Variants in SMCHD1 observed in about 807,000 individuals in gnomAD.
SMCHD1 encodes structural maintenance of chromosomes flexible hinge domain containing 1.
A neutral mutation model predicts 254.7 loss-of-function variants in SMCHD1; 78 were observed. The ratio of observed to expected loss-of-function variants is 0.31; its 90% CI spans 0.26 to 0.37. SMCHD1 has a LOEUF of 0.37. Ranked by LOEUF, SMCHD1 falls within the 10% of genes least tolerant of loss-of-function variation. The pLI, the probability that SMCHD1 is intolerant of heterozygous loss-of-function variation, is 1.00. For synonymous variants in SMCHD1, 766 were observed against 794.9 expected, an observed-to-expected ratio of 0.96 and a Z score of 0.61; for missense variants, 1,840 against 2,408.1, an observed-to-expected ratio of 0.76 and a Z score of 4.94.
chr18:2,758,912 A>G (rs55657738), intron 34 of SMCHD1, among the ~76,000 whole-genome samples: 7,345 of 152,106 alleles, frequency 0.048, 266 homozygotes, highest in Non-Finnish European at 0.078. Flanking sequence ...TCAGTTTTTA[A>G]AAATTTTGCC....
At chr18:2,736,428 C>G (rs2075250141) in intron 25 of SMCHD1, among the ~76,000 whole-genome samples, 2 of 152,104 alleles carry the variant, frequency 1.3e-5, no homozygotes, top group African/African-American at 2.4e-5. Flanking sequence ...TCAAACTAAA[C>G]AGCTGCACAG....
At chr18:2,675,374 T>G (rs1598296381) in intron 5 of SMCHD1, among the ~76,000 whole-genome samples, 1 of 151,626 alleles carries the variant, frequency 6.6e-6, no homozygotes, top group Non-Finnish European at 1.5e-5. Flanking sequence ...AAACGATTCT[T>G]CTGCCTCAGC....
intron 44 of SMCHD1, among the ~76,000 whole-genome samples, chr18:2,782,079 T>G (rs2076165640): frequency 6.6e-6 from 1 of 152,268 alleles, no homozygotes; most frequent in South Asian, 2.1e-4. Flanking sequence ...CATATTGATT[T>G]CCTTGCTTCC....
rs2143803811 is a variant in SMCHD1 at position 2,666,641 on chromosome 18, G to A, written c.263-229G>A. ...ATTTTAGATTCTCGTCTGATTTCCT[G>A]TGATAGTTTAACTTATTAAGAATTG... is the stretch of plus-strand genomic sequence containing the variant. On this transcript the variant is annotated intron_variant, in intron 2 of 47. Transcript: ENST00000320876. 2.0e-5 allele frequency among the ~76,000 whole-genome samples: 3 copies of A among 152,254 alleles called. 1 individual carries two copies. In the Middle Eastern group the frequency reaches 0.01, roughly 518 times the overall value.
intron 12 of SMCHD1, 65 bp downstream of exon 12, chr18:2,700,983 A>T (rs997186261): frequency 2.5e-6 from 3 of 1,209,158 alleles, no homozygotes; most frequent in Non-Finnish European, 2.3e-6. Context: ...AAAAGAAGAC[A>T]CTAGCAGTGT....
chr18:2,740,695 T>C lies in SMCHD1; in HGVS notation c.3515-8T>C. On this transcript the variant is annotated splice_region_variant and splice_polypyrimidine_tract_variant and intron_variant, in intron 27 of 47. Transcript: ENST00000320876. ...ATAATACTAAAATAAAACTTCCCCC[T>C]TTTTTAGTTATAATAATTACAGATC... is the stretch of plus-strand genomic sequence containing the variant. 6.8e-7 allele frequency: 1 copy of C among 1,477,614 alleles called. No homozygotes were observed. The highest frequency in any genetic ancestry group is 1.8e-5 in the Admixed American group (1 of 55,760). The allele number at this position is 1,477,614 out of a possible 1,614,324, so 91.5% of individuals were successfully genotyped here.
chr18:2,797,136 A>G (rs1411510216), intron 47 of SMCHD1, among the ~76,000 whole-genome samples: 3 of 152,226 alleles, frequency 2.0e-5, no homozygotes. Context: ...TCAGAGGATC[A>G]GTAACTTAAT....
Position 2,795,957 on chromosome 18 carries a change from C to A in SMCHD1, c.5728C>A (p.Gln1910Lys). The stretch of plus-strand genomic sequence containing the variant: ...ATTTGGTTTCTTTACAGATCTTCTT[C>A]AGCAGTATCGTTCTGCTGTGTGCAA... ...LILGEQIDLLQQYRSAVCKLD... is the reference protein window; with the variant it reads ...LILGEQIDLLKQYRSAVCKLD... Residue 1910 changes from glutamine to lysine, a missense_variant, in exon 46 of 48, where the codon CAG becomes AAG. Gln to Lys is a moderately conservative substitution (Grantham distance 53). Transcript: ENST00000320876. 6.3e-7 allele frequency: 1 copy of A among 1,584,644 alleles called. No homozygotes were observed. The highest frequency in any genetic ancestry group is 8.6e-7 in the Non-Finnish European group (1 of 1,165,578).
chr18:2,768,039 T>C (rs1354793763), intron 37 of SMCHD1, among the ~76,000 whole-genome samples: 1 of 152,208 alleles, frequency 6.6e-6, no homozygotes, highest in Non-Finnish European at 1.5e-5. Context: ...ACCACCATTG[T>C]ACATGTGGTC....
At chr18:2,728,346 G>A (rs1188565637) in intron 22 of SMCHD1, 111 bp from the exon 23 acceptor site, 2 of 1,098,498 alleles carry the variant, frequency 1.8e-6, no homozygotes, top group African/African-American at 1.6e-5. Context: ...TTCTTTCTTG[G>A]CAATATTTAT....
At chr18:2,681,586 CAAAA>C (rs11338546) in intron 5 of SMCHD1, among the ~76,000 whole-genome samples, 2 of 95,904 alleles carry the variant, frequency 2.1e-5, no homozygotes, top group African/African-American at 4.0e-5. Flanking sequence ...TCCTATCTCT[CAAAA>C]AAAAAAAAAA....
chr18:2,668,918 T>C (rs624710), intron 3 of SMCHD1, among the ~76,000 whole-genome samples: 87,689 of 151,834 alleles, frequency 0.58, 26,757 homozygotes, highest in African/African-American at 0.79. Context: ...TCTTGATTTT[T>C]TTCCTTTTTG....
chr18:2,687,061 T>C (rs1322576119), intron 5 of SMCHD1, among the ~76,000 whole-genome samples: 1 of 152,154 alleles, frequency 6.6e-6, no homozygotes, highest in Non-Finnish European at 1.5e-5. Flanking sequence ...TTTCAGGATT[T>C]AAAATATTTT....
chr18:2,804,356 G>GAACTCCTGGGTTCAAGCAGTCTTC lies in SMCHD1; in HGVS notation c.*1805_*1828dup, dbSNP rs1568425007. ...TCACTACATTGCCCAGGCTAGTCTT[G>GAACTCCTGGGTTCAAGCAGTCTTC]AACTCCTGGGTTCAAGCAGTCTTCC... On this transcript the variant is annotated 3_prime_UTR_variant, in exon 48 of 48. Coordinates refer to ENST00000320876, the MANE Select transcript of SMCHD1 (RefSeq NM_015295.3). 2 of 152,058 alleles carry GAACTCCTGGGTTCAAGCAGTCTTC rather than the reference G, an allele frequency of 1.3e-5. No individual in the cohort carries two copies. The highest frequency in any genetic ancestry group is 2.9e-5 in the Non-Finnish European group (2 of 68,018). The allele number at this position is 152,058 out of a possible 1,614,324, so 9.4% of individuals were successfully genotyped here. A position where few individuals can be genotyped will look rare whatever the true frequency, so the allele number is the denominator to read the frequency against.
intron 3 of SMCHD1, among the ~76,000 whole-genome samples, chr18:2,672,743 CTG>C (rs952061862): frequency 6.6e-6 from 1 of 152,196 alleles, no homozygotes; most frequent in African/African-American, 2.4e-5. Flanking sequence ...TATAGCAGTT[CTG>C]TGTCAGTTGA....
chr18:2,802,274 A>C (rs146883062), intron 47 of SMCHD1, among the ~76,000 whole-genome samples: 1 of 152,308 alleles, frequency 6.6e-6, no homozygotes, highest in Non-Finnish European at 1.5e-5. Flanking sequence ...TACCATTTCA[A>C]AGCACTGTGA....
chr18:2,702,363 C>G (rs972048841), intron 12 of SMCHD1: 1 of 149,096 alleles, frequency 6.7e-6, no homozygotes, highest in African/African-American at 2.4e-5. Context: ...AAGTGAATAT[C>G]TGCATACTTT....
intron 38 of SMCHD1, 70 bp from the exon 39 acceptor site, chr18:2,769,919 A>G: frequency 6.5e-7 from 1 of 1,534,542 alleles, no homozygotes; most frequent in Non-Finnish European, 8.8e-7. Flanking sequence ...TAGCTATCTA[A>G]CCACTTTATG....
intron 41 of SMCHD1, among the ~76,000 whole-genome samples, chr18:2,774,960 G>A (rs1568363857): frequency 6.6e-6 from 1 of 151,774 alleles, no homozygotes. Flanking sequence ...TTACCTGTCT[G>A]ACCTGAGGGA....
Sources: allele counts gnomAD v4.1 joint callset (sites outside exome capture counted in the v4.1 genomes callset), GRCh38; gene constraint gnomAD v4.1.1; transcripts MANE v1.5; gene names NCBI Gene and HGNC (gene_info 2026-07-23, HGNC 2026-07-21).